MDFIC: variants seen among roughly 807,000 people sequenced by gnomAD.
MDFIC encodes myoD family inhibitor domain-containing protein.
MDFIC carries 17 observed loss-of-function variants against 23.2 expected under a neutral mutation model. That is an observed-to-expected ratio of 0.73 (90% CI 0.50 to 1.10). MDFIC has a LOEUF of 1.10. Ranked by LOEUF, MDFIC falls within the 50% of genes least tolerant of loss-of-function variation. The pLI is 0.00. For missense variants in MDFIC, 356 were observed against 316.6 expected, an observed-to-expected ratio of 1.12 and a Z score of -0.95; for synonymous variants, 120 against 115.2, an observed-to-expected ratio of 1.04 and a Z score of -0.27.
intron 2 of MDFIC, among the ~76,000 whole-genome samples, chr7:114,934,724 C>T (rs1339607953): frequency 6.6e-6 from 1 of 152,168 alleles, no homozygotes; most frequent in Non-Finnish European, 1.5e-5. Context: ...ACTCAACAAA[C>T]ATTTATAGTG....
At chr7:115,010,059 G>A (rs893494927) in intron 4 of MDFIC, among the ~76,000 whole-genome samples, 10 of 146,522 alleles carry the variant, frequency 6.8e-5, no homozygotes, top group Admixed American at 6.7e-4. Context: ...CATAAAAACT[G>A]AAATCTTAAG....
intron 2 of MDFIC, among the ~76,000 whole-genome samples, chr7:114,926,264 T>C (rs1159941843): frequency 6.6e-6 from 1 of 152,214 alleles, no homozygotes. Context: ...TCCAACCCGC[T>C]CATTTTTTAA....
At chr7:114,937,282 C>A (rs1792444172) in intron 2 of MDFIC, among the ~76,000 whole-genome samples, 1 of 152,128 alleles carries the variant, frequency 6.6e-6, no homozygotes, top group African/African-American at 2.4e-5. Flanking sequence ...GATGGATAGT[C>A]ATTTCTGAGT....
rs1304275378 is a variant in MDFIC, at chr7:114,980,063, T to C, written c.493+282T>C. ...TTTTTTAATGCCACATTTAAAAATA[T>C]AAATACAACATTTTGATGGCATACA... On this transcript the variant is annotated intron_variant, in intron 4 of 4. Coordinates refer to ENST00000393486, the MANE Select transcript of MDFIC (RefSeq NM_001166345.3). The C allele has an allele frequency of 9.3e-6, 4 of 432,410 alleles. No individual in the cohort carries two copies. In the East Asian group the frequency reaches 2.0e-4, roughly 21 times the overall value. The allele number at this position is 432,410 out of a possible 1,614,324, so 26.8% of individuals were successfully genotyped here.
chr7:114,957,013 GTCA>G (rs771259284), intron 3 of MDFIC, among the ~76,000 whole-genome samples: 1 of 152,118 alleles, frequency 6.6e-6, no homozygotes, highest in Non-Finnish European at 1.5e-5. Flanking sequence ...TTCAAGAGAT[GTCA>G]TCATTGTTCA....
intron 2 of MDFIC, among the ~76,000 whole-genome samples, chr7:114,926,702 C>G (rs1792197515): frequency 6.6e-6 from 1 of 152,036 alleles, no homozygotes; most frequent in South Asian, 2.1e-4. Flanking sequence ...AAAATAGAAG[C>G]TGGGGAGAAA....
chr7:114,974,902 C>A lies in MDFIC; in HGVS notation c.218-4604C>A, dbSNP rs554929130. 2.6e-5 allele frequency among the ~76,000 whole-genome samples: 4 copies of A among 151,834 alleles called. No individual in the cohort carries two copies. The South Asian group carries it at 8.3e-4, about 32-fold the overall frequency. ...CATGGATATTAAAATTACAATCATG[C>A]TGTATTGTGTCAGCAATGTTTTTTT... On this transcript the variant is annotated intron_variant, in intron 3 of 4. Transcript: ENST00000393486.
At chr7:114,998,427 G>T (rs922995114) in intron 4 of MDFIC, among the ~76,000 whole-genome samples, 2 of 152,054 alleles carry the variant, frequency 1.3e-5, no homozygotes, top group African/African-American at 4.8e-5. Flanking sequence ...GAGTTGCATT[G>T]TTGAGGGTGG....
At chr7:114,977,914 T>G (rs1793347136) in intron 3 of MDFIC, among the ~76,000 whole-genome samples, 1 of 147,986 alleles carries the variant, frequency 6.8e-6, no homozygotes, top group Admixed American at 6.8e-5. Context: ...ATATTTTATA[T>G]ATCACATAAA....
At chr7:114,991,410 A>T (rs1791156922) in intron 4 of MDFIC, among the ~76,000 whole-genome samples, 1 of 152,176 alleles carries the variant, frequency 6.6e-6, no homozygotes, top group South Asian at 2.1e-4. Context: ...TGTTTTAGAC[A>T]TGAAGTCCTT....
chr7:115,013,216 AAAAC>A (rs1455483181), intron 4 of MDFIC, among the ~76,000 whole-genome samples: 1 of 152,164 alleles, frequency 6.6e-6, no homozygotes, highest in African/African-American at 2.4e-5. Flanking sequence ...AATACAATAA[AAAAC>A]AAGGGAAAGA....
intron 4 of MDFIC, chr7:115,014,627 AC>A (rs1585125593): frequency 9.6e-6 from 9 of 940,468 alleles, no homozygotes; most frequent in East Asian, 1.6e-4. Flanking sequence ...AAACAAAAAA[AC>A]AAGGAACCCA....
At chr7:115,015,374 TAAG>T (rs1791774531) in intron 4 of MDFIC, among the ~76,000 whole-genome samples, 2 of 152,068 alleles carry the variant, frequency 1.3e-5, no homozygotes, top group African/African-American at 2.4e-5. Flanking sequence ...GAAAGATGAG[TAAG>T]AAGGATAGAG....
chr7:114,976,035 C>T (rs992794240), intron 3 of MDFIC, among the ~76,000 whole-genome samples: 3 of 151,920 alleles, frequency 2.0e-5, no homozygotes, highest in African/African-American at 7.3e-5. Context: ...ATTAAGGATG[C>T]GTGAGAATAT....
intron 3 of MDFIC, among the ~76,000 whole-genome samples, chr7:114,976,764 G>A (rs1793324321): frequency 6.6e-6 from 1 of 151,996 alleles, no homozygotes; most frequent in South Asian, 2.1e-4. Flanking sequence ...ATTTTGATAT[G>A]TTAAGATGTT....
chr7:114,932,472 A>G (rs993370046), intron 2 of MDFIC, among the ~76,000 whole-genome samples: 1 of 152,214 alleles, frequency 6.6e-6, no homozygotes, highest in African/African-American at 2.4e-5. Context: ...AGTTATAGAA[A>G]CAGACAGGAA....
At chr7:114,931,290 G>A (rs79539864) in intron 2 of MDFIC, among the ~76,000 whole-genome samples, 1,903 of 152,196 alleles carry the variant, frequency 0.013, 37 homozygotes, top group African/African-American at 0.043. Flanking sequence ...ATTTAATTTC[G>A]TTTGTGGTTT....
intron 2 of MDFIC, among the ~76,000 whole-genome samples, chr7:114,925,209 A>T (rs1792166167): frequency 6.6e-6 from 1 of 152,284 alleles, no homozygotes; most frequent in East Asian, 1.9e-4. Context: ...ATATATAGGT[A>T]AATAATGACA....
At position 115,019,278 on chromosome 7, in the gene MDFIC, CTT is replaced by C. The variant is rs1791856893; in HGVS notation, c.*3345_*3346del. 6.6e-6 allele frequency: 1 copy of C among 151,992 alleles called. No homozygotes were observed. The highest frequency in any genetic ancestry group is 1.5e-5 in the Non-Finnish European group (1 of 67,942). 9.4% of individuals were successfully genotyped at this position (151,992 alleles called of 1,614,324 possible). ...ATCTAACTAAAACAATACAGTATGA[CTT>C]TATTTAGGAGAAGGCTTTTTATTTA... On this transcript the variant is annotated 3_prime_UTR_variant, in exon 5 of 5. Transcript: ENST00000393486.
Sources: gnomAD v4.1 joint callset for allele counts (sites outside exome capture counted in the v4.1 genomes callset) on GRCh38, gnomAD v4.1.1 for gene constraint, MANE v1.5 for transcripts, NCBI Gene and HGNC (gene_info 2026-07-23, HGNC 2026-07-21) for gene names.